OPRM1: variants seen among roughly 807,000 people sequenced by gnomAD.
OPRM1 encodes the protein opioid receptor mu 1.
OPRM1 carries 27 observed loss-of-function variants against 31.8 expected under a neutral mutation model. That is an observed-to-expected ratio of 0.85 (90% CI 0.63 to 1.17). OPRM1 has a LOEUF of 1.17. Ranked by LOEUF, OPRM1 falls within the 50% of genes most tolerant of loss-of-function variation. The pLI is 0.00. For synonymous variants in OPRM1, 196 were observed against 189.9 expected, an observed-to-expected ratio of 1.03 and a Z score of -0.26; for missense variants, 536 against 511.1, an observed-to-expected ratio of 1.05 and a Z score of -0.47.
rs77114424 is a variant in OPRM1 at position 154,039,497 on chromosome 6, G to A, written c.-48G>A. ...GGCGCTTGGAACCCGAAAAGTCTCG[G>A]TGCTCCTGGCTACCTCGCACAGCGG... On this transcript the variant is annotated 5_prime_UTR_variant, in exon 1 of 4. In the 5' UTR this introduces an upstream ATG that the reference lacks. Transcript: ENST00000330432. 6.4e-7 allele frequency: 1 copy of A among 1,571,872 alleles called. No individual in the cohort carries two copies. The highest frequency in any genetic ancestry group is 1.2e-5 in the South Asian group (1 of 85,818).
intron 1 of OPRM1, among the ~76,000 whole-genome samples, chr6:154,063,521 C>A (rs183684868): frequency 2.0e-5 from 3 of 151,814 alleles, no homozygotes; most frequent in Admixed American, 6.6e-5. Context: ...CCATTTTAAC[C>A]GCTTGTAAGT....
intron 3 of OPRM1, among the ~76,000 whole-genome samples, chr6:154,210,170 G>C (rs1001058529): frequency 2.0e-5 from 3 of 152,306 alleles, no homozygotes; most frequent in East Asian, 3.9e-4. Flanking sequence ...GGCCCTCCAT[G>C]ATATGGCTAC....
chr6:154,157,904 C>G (rs1798779539), intron 3 of OPRM1: 1 of 151,692 alleles, frequency 6.6e-6, no homozygotes. Flanking sequence ...ATCTGAGGAT[C>G]TGAATGTTCT....
At chr6:154,187,800 A>C (rs1436240211) in intron 3 of OPRM1, among the ~76,000 whole-genome samples, 2 of 152,228 alleles carry the variant, frequency 1.3e-5, no homozygotes, top group East Asian at 1.9e-4. Flanking sequence ...CAATTTACTT[A>C]ATCAGTTTAA....
chr6:154,234,707 T>G (rs1779980719), intron 3 of OPRM1, among the ~76,000 whole-genome samples: 1 of 152,180 alleles, frequency 6.6e-6, no homozygotes, highest in African/African-American at 2.4e-5. Flanking sequence ...ATTCTCTCCT[T>G]ATGGAGAAAG....
At chr6:154,082,206 C>T (rs1789320355) in intron 1 of OPRM1, among the ~76,000 whole-genome samples, 1 of 152,134 alleles carries the variant, frequency 6.6e-6, no homozygotes, top group African/African-American at 2.4e-5. Flanking sequence ...ATAACCCAAG[C>T]CCTTATTTCT....
chr6:154,152,343 G>GA (rs753860826), intron 3 of OPRM1, among the ~76,000 whole-genome samples: 2,090 of 20,288 alleles, frequency 0.1, 60 homozygotes, highest in East Asian at 0.38. Context: ...AAGAAAGAAA[G>GA]AAAGGAAAGA....
intron 1 of OPRM1, among the ~76,000 whole-genome samples, chr6:154,044,751 G>A (rs1384842425): frequency 6.6e-6 from 1 of 152,070 alleles, no homozygotes; most frequent in African/African-American, 2.4e-5. Flanking sequence ...AATAAATGCT[G>A]ACAATATTTA....
chr6:154,139,307 G>A (rs1021662425), intron 3 of OPRM1, among the ~76,000 whole-genome samples: 2 of 152,182 alleles, frequency 1.3e-5, no homozygotes, highest in African/African-American at 4.8e-5. Context: ...CAGACAAGAA[G>A]GGAAGAGGAT....
intron 3 of OPRM1, among the ~76,000 whole-genome samples, chr6:154,201,432 T>C (rs992985750): frequency 2.6e-5 from 4 of 152,222 alleles, no homozygotes; most frequent in Admixed American, 6.5e-5. Flanking sequence ...CAACTCTGTC[T>C]TGTTCCTCCA....
Position 154,013,295 on chromosome 6 carries a change from G to A in OPRM1, c.-1+2277G>A, listed in dbSNP as rs114955062. ...AAACTAATACATGAAATTCTTAGAA[G>A]AGCTTATAAATAGCTATGTTCATTT... On this transcript the variant is annotated intron_variant, in intron 1 of 5. Transcript: ENST00000434900. 3.2e-3 allele frequency among the ~76,000 whole-genome samples: 481 copies of A among 152,250 alleles called. 2 individuals carry two copies. Among genetic ancestry groups the A allele is most frequent in the African/African-American group, 0.011 (467 of 41,558 alleles).
In OPRM1 at chr6:154,176,431, C is replaced by A. The variant is rs1055402440; in HGVS notation, c.1165-70262C>A. Reference sequence around the variant, plus strand: ...TTGTATATTTAGAAAACCCCATCATCTCAGCCCAAAATCTCCTTAAGCTGA... The same window carrying A: ...TTGTATATTTAGAAAACCCCATCATATCAGCCCAAAATCTCCTTAAGCTGA... On this transcript the variant is annotated intron_variant, in intron 3 of 3. Coordinates refer to the OPRM1 transcript ENST00000337049. Among the ~76,000 whole-genome samples, 23 of 152,268 alleles carry A rather than the reference C, an allele frequency of 1.5e-4. 1 individual carries two copies. Among genetic ancestry groups the A allele is most frequent in the Admixed American group, 3.3e-4 (5 of 15,300 alleles).
At chr6:154,140,253 T>C (rs575422668) in intron 3 of OPRM1, among the ~76,000 whole-genome samples, 1 of 152,200 alleles carries the variant, frequency 6.6e-6, no homozygotes, top group Non-Finnish European at 1.5e-5. Context: ...ACTTTCAAGC[T>C]TACATACTTC....
chr6:154,199,902 C>T, intron 3 of OPRM1: 1 of 1,614,190 alleles, frequency 6.2e-7, no homozygotes, highest in South Asian at 1.1e-5. Context: ...AAACTGTTAA[C>T]TGTGTCAGGC....
chr6:154,046,070 CT>C (rs1781057451), intron 1 of OPRM1, among the ~76,000 whole-genome samples: 1 of 152,196 alleles, frequency 6.6e-6, no homozygotes, highest in Admixed American at 6.5e-5. Context: ...AATATCCTTC[CT>C]GTTATTTTAT....
chr6:154,228,682 C>T (rs1221562645), intron 3 of OPRM1, among the ~76,000 whole-genome samples: 1 of 152,192 alleles, frequency 6.6e-6, no homozygotes, highest in Non-Finnish European at 1.5e-5. Context: ...TGCTGATCAT[C>T]TCTTTGATCT....
At chr6:154,200,461 C>T (rs1776971226) in intron 3 of OPRM1, among the ~76,000 whole-genome samples, 1 of 152,210 alleles carries the variant, frequency 6.6e-6, no homozygotes, top group Non-Finnish European at 1.5e-5. Context: ...TGGCTCATGC[C>T]TGTAATCCCA....
At chr6:154,224,718 A>C (rs1381500609) in intron 3 of OPRM1, among the ~76,000 whole-genome samples, 1 of 152,118 alleles carries the variant, frequency 6.6e-6, no homozygotes, top group Non-Finnish European at 1.5e-5. Flanking sequence ...CTTAAAAAAA[A>C]CAAACAAACA....
At chr6:154,021,098 T>C (rs1290522680) in intron 1 of OPRM1, among the ~76,000 whole-genome samples, 3 of 152,232 alleles carry the variant, frequency 2.0e-5, no homozygotes, top group Admixed American at 6.5e-5. Context: ...TTTAGCATTT[T>C]ACATTTCTGT....
Sources: gnomAD v4.1 joint callset for allele counts (sites outside exome capture counted in the v4.1 genomes callset) on GRCh38, gnomAD v4.1.1 for gene constraint, MANE v1.5 for transcripts, NCBI Gene and HGNC (gene_info 2026-07-23, HGNC 2026-07-21) for gene names.